Variants in AGBL4 observed in about 807,000 individuals in gnomAD.
The protein encoded by AGBL4 is AGBL carboxypeptidase 4.
In AGBL4, 58 loss-of-function variants were observed where a neutral mutation model predicts 66.4. That is an observed-to-expected ratio of 0.87 (90% CI 0.71 to 1.09). The LOEUF (loss-of-function observed/expected upper bound fraction) is 1.09. AGBL4 is among the 50% of genes least tolerant of loss of function. The probability of loss-of-function intolerance (pLI) is 0.00; values close to 1 mark genes in which losing one functional copy is unlikely to be tolerated. For synonymous variants in AGBL4, 234 were observed against 222.9 expected, an observed-to-expected ratio of 1.05 and a Z score of -0.44; for missense variants, 579 against 631.0, an observed-to-expected ratio of 0.92 and a Z score of 0.88.
intron 3 of AGBL4, among the ~76,000 whole-genome samples, chr1:49,622,623 C>T (rs1425788809): frequency 5.9e-5 from 5 of 84,692 alleles, no homozygotes; most frequent in East Asian, 3.1e-4. Context: ...AGCGAGACTC[C>T]GTCTCAAAAA....
chr1:49,068,236 C>T (rs995851894), intron 4 of AGBL4, among the ~76,000 whole-genome samples: 1 of 151,102 alleles, frequency 6.6e-6, no homozygotes, highest in African/African-American at 2.4e-5. Context: ...CCCTTTTTCT[C>T]TTTTCTTTTT....
chr1:49,718,245 A>T (rs1648316424), intron 2 of AGBL4, among the ~76,000 whole-genome samples: 1 of 151,964 alleles, frequency 6.6e-6, no homozygotes, highest in Non-Finnish European at 1.5e-5. Flanking sequence ...AGTTCACACA[A>T]GGTCTTACTG....
At chr1:49,912,354 T>C (rs1259075286) in intron 1 of AGBL4, among the ~76,000 whole-genome samples, 1 of 152,230 alleles carries the variant, frequency 6.6e-6, no homozygotes. Context: ...GATCTGATGG[T>C]TACTGTAAGA....
At chr1:49,735,936 G>T (rs1649853695) in intron 2 of AGBL4, among the ~76,000 whole-genome samples, 1 of 151,818 alleles carries the variant, frequency 6.6e-6, no homozygotes, top group Non-Finnish European at 1.5e-5. Flanking sequence ...AGCAAGCCAG[G>T]CAAAAGAAAG....
chr1:49,979,013 C>T (rs1277485490), intron 1 of AGBL4, among the ~76,000 whole-genome samples: 1 of 151,902 alleles, frequency 6.6e-6, no homozygotes, highest in Admixed American at 6.6e-5. Flanking sequence ...TTTTTAAAAA[C>T]CTATAGATGA....
chr1:49,207,559 T>TTTCTTTCTTTCTTTCTTTCTTTC, intron 4 of AGBL4, among the ~76,000 whole-genome samples: 3 of 135,802 alleles, frequency 2.2e-5, no homozygotes, highest in African/African-American at 8.4e-5. Context: ...TCTTTCTTTC[T>TTTCTTTCTTTCTTTCTTTCTTTC]TTCTTTCTTT....
intron 3 of AGBL4, among the ~76,000 whole-genome samples, chr1:49,465,363 T>A (rs966508478): frequency 1.3e-5 from 2 of 151,562 alleles, no homozygotes; most frequent in African/African-American, 4.8e-5. Context: ...TCACTTTTCC[T>A]CTTAGAGCCT....
chr1:49,203,319 A>G lies in AGBL4; in HGVS notation c.377+42451T>C, dbSNP rs139880747. 3.9e-5 allele frequency among the ~76,000 whole-genome samples: 6 copies of G among 152,248 alleles called. No homozygotes were observed. In the East Asian group the frequency reaches 9.7e-4, roughly 25 times the overall value. ...TAGGATCTCAAAGAAATATTTGTAT[A>G]CCACATTCACTGCAGCACTATATAC... On this transcript the variant is annotated intron_variant, in intron 4 of 13. Transcript: ENST00000371839.
At chr1:48,743,424 T>A (rs1328715103) in intron 6 of AGBL4, among the ~76,000 whole-genome samples, 1 of 152,222 alleles carries the variant, frequency 6.6e-6, no homozygotes, top group African/African-American at 2.4e-5. Flanking sequence ...AGGGGTTATT[T>A]TTTCTCCATT....
intron 6 of AGBL4, among the ~76,000 whole-genome samples, chr1:48,734,804 C>A (rs1356429426): frequency 6.6e-6 from 1 of 152,208 alleles, no homozygotes; most frequent in Non-Finnish European, 1.5e-5. Context: ...GCTCACAGTA[C>A]CTGAAGTTAT....
At chr1:49,515,453 A>G (rs904746367) in intron 3 of AGBL4, among the ~76,000 whole-genome samples, 16 of 151,972 alleles carry the variant, frequency 1.1e-4, no homozygotes, top group Non-Finnish European at 2.4e-4. Context: ...CTGTAAACTC[A>G]TTCAACAATT....
At chr1:49,000,671 A>G (rs1229994205) in intron 5 of AGBL4, among the ~76,000 whole-genome samples, 1 of 152,224 alleles carries the variant, frequency 6.6e-6, no homozygotes, top group Non-Finnish European at 1.5e-5. Context: ...TTTAAGCCTT[A>G]GCTGTTCCCA....
intron 3 of AGBL4, among the ~76,000 whole-genome samples, chr1:49,649,059 T>A (rs1645949017): frequency 6.6e-6 from 1 of 152,108 alleles, no homozygotes; most frequent in South Asian, 2.1e-4. Context: ...GTGAAATGAA[T>A]GACAACAATC....
At chr1:48,567,680 G>A (rs1319420478) in intron 11 of AGBL4, among the ~76,000 whole-genome samples, 2 of 152,178 alleles carry the variant, frequency 1.3e-5, no homozygotes, top group African/African-American at 4.8e-5. Context: ...GAGAGAAGGG[G>A]ACCTGTTGGG....
chr1:48,763,399 G>T (rs1181651555), intron 6 of AGBL4, among the ~76,000 whole-genome samples: 1 of 152,142 alleles, frequency 6.6e-6, no homozygotes, highest in Admixed American at 6.5e-5. Flanking sequence ...TGACTTCTAA[G>T]TCAAAAGGCT....
chr1:48,818,333 T>C, intron 6 of AGBL4: 1 of 708,036 alleles, frequency 1.4e-6, no homozygotes, highest in South Asian at 1.5e-5. Flanking sequence ...AGGGGCATAT[T>C]GCCTTAATTG....
At chr1:48,880,916 C>A (rs12401557) in intron 5 of AGBL4, among the ~76,000 whole-genome samples, 73,314 of 152,052 alleles carry the variant, frequency 0.48, 20,879 homozygotes, top group Non-Finnish European at 0.65. Context: ...ACATAGTCAT[C>A]GTGAATGTTA....
At chr1:48,633,669 A>C (rs961925904) in intron 9 of AGBL4, among the ~76,000 whole-genome samples, 1 of 152,148 alleles carries the variant, frequency 6.6e-6, no homozygotes, top group Non-Finnish European at 1.5e-5. Context: ...CCACCTGAAA[A>C]AATGGTCTGT....
At position 48,704,142 on chromosome 1, in the gene AGBL4, C is replaced by T. The variant is rs560132085; in HGVS notation, c.635-40901G>A. On this transcript the variant is annotated intron_variant, in intron 6 of 13. Coordinates refer to ENST00000371839, the MANE Select transcript of AGBL4 (RefSeq NM_032785.4). ...GTATCTAAGCATATCTACACTTGAT[C>T]TTGCCAAAAGGCCAAAAAGTGATCT... Among the ~76,000 whole-genome samples, 8 of 152,312 alleles carry T rather than the reference C, an allele frequency of 5.3e-5. No homozygotes were observed. The East Asian group carries it at 9.6e-4, about 18-fold the overall frequency.
Sources: gnomAD v4.1 joint callset for allele counts (sites outside exome capture counted in the v4.1 genomes callset) on GRCh38, gnomAD v4.1.1 for gene constraint, MANE v1.5 for transcripts, NCBI Gene and HGNC (gene_info 2026-07-23, HGNC 2026-07-21) for gene names.